AVEN: variants seen among roughly 807,000 people sequenced by gnomAD.
AVEN encodes cell death regulator Aven.
Under a neutral mutation model 38.1 loss-of-function variants are expected in AVEN, and 41 were observed. The observed-to-expected ratio is 1.08, with a 90% confidence interval of 0.84 to 1.40. The LOEUF is 1.40. AVEN is among the 40% of genes most tolerant of loss of function. The probability of loss-of-function intolerance (pLI) is 0.00; values close to 1 mark genes in which losing one functional copy is unlikely to be tolerated. For synonymous variants in AVEN, 206 were observed against 171.8 expected (o/e 1.20, Z -1.56); for missense variants, 605 against 438.8 (o/e 1.38, Z -3.38).
chr15:33,889,591 T>C (rs1891847995), intron 2 of AVEN, among the ~76,000 whole-genome samples: 2 of 4,820 alleles, frequency 4.1e-4, no homozygotes, highest in Non-Finnish European at 1.2e-3. Flanking sequence ...AATATGTTTC[T>C]GCACAAAAAA....
intron 5 of AVEN, among the ~76,000 whole-genome samples, chr15:34,056,037 G>A (rs991066840): frequency 2.6e-5 from 4 of 152,088 alleles, no homozygotes; most frequent in South Asian, 2.1e-4. Flanking sequence ...ATTGTTATAC[G>A]TGTTTAACAG....
chr15:33,875,179 C>T (rs879198604), intron 3 of AVEN, among the ~76,000 whole-genome samples: 4 of 152,278 alleles, frequency 2.6e-5, no homozygotes, highest in Non-Finnish European at 2.9e-5. Context: ...ACAGTGCCTA[C>T]GGGCTTCGGG....
At position 33,944,665 on chromosome 15, in the gene AVEN, C is replaced by T. The variant is rs990561767; in HGVS notation, c.445+58367G>A. On this transcript the variant is annotated intron_variant, in intron 2 of 5. Transcript: ENST00000306730. The stretch of plus-strand genomic sequence containing the variant: ...TCTATTAAAAATACAAAAAATTAGC[C>T]GGGCGTGGTGGCCGGCGCCTGTAGT... Among the ~76,000 whole-genome samples, 9 of 152,042 alleles carry T rather than the reference C, an allele frequency of 5.9e-5. No individual in the cohort carries two copies. In the South Asian group the frequency reaches 6.2e-4, roughly 11 times the overall value.
chr15:33,877,662 A>G (rs138452851), intron 2 of AVEN, among the ~76,000 whole-genome samples: 32 of 152,194 alleles, frequency 2.1e-4, no homozygotes, highest in Non-Finnish European at 4.1e-4. Flanking sequence ...TAGAAATACA[A>G]AAGTTAGACT....
At chr15:33,895,957 G>GTGGGTAGAGAATTCCTGAGGCAT (rs1892217715) in intron 2 of AVEN, among the ~76,000 whole-genome samples, 1 of 152,178 alleles carries the variant, frequency 6.6e-6, no homozygotes, top group South Asian at 2.1e-4. Flanking sequence ...GCATAAGGCA[G>GTGGGTAGAGAATTCCTGAGGCAT]TGGGTAGAGA....
chr15:33,968,518 C>T (rs908324817), intron 2 of AVEN, among the ~76,000 whole-genome samples: 2 of 152,068 alleles, frequency 1.3e-5, no homozygotes, highest in Non-Finnish European at 1.5e-5. Context: ...GTACGCTCAC[C>T]GTCCAGAGAC....
rs1900420730 is a variant in AVEN at position 34,063,537 on chromosome 15, T to C, written n.1127-105A>G. The C allele has an allele frequency of 6.2e-7, 1 of 1,613,324 alleles. No individual in the cohort carries two copies. Among genetic ancestry groups the C allele is most frequent in the African/African-American group, 1.3e-5 (1 of 74,862 alleles). The stretch of plus-strand genomic sequence containing the variant: ...AAGGAACCAGGCCTCCTGGTCATCC[T>C]CCCGCAGGAGCACCTCCACCACTGG... On this transcript the variant is annotated intron_variant and non_coding_transcript_variant, in intron 4 of 11. Coordinates refer to the AVEN transcript ENST00000675287. The surrounding 1 kb of genome is among the most constrained non-coding windows in gnomAD (Gnocchi z 4.1).
chr15:34,059,699 T>A (rs1900273644), intron 5 of AVEN, among the ~76,000 whole-genome samples: 2 of 152,138 alleles, frequency 1.3e-5, no homozygotes, highest in Admixed American at 6.6e-5. Context: ...GGCACTAGCA[T>A]CCCCAGCCTC....
At chr15:33,963,535 G>A (rs1895277147) in intron 2 of AVEN, among the ~76,000 whole-genome samples, 1 of 152,076 alleles carries the variant, frequency 6.6e-6, no homozygotes, top group Non-Finnish European at 1.5e-5. Flanking sequence ...GGTGGCTCAC[G>A]CCTATAATCC....
At chr15:34,029,912 A>G (rs1005101306) in intron 1 of AVEN, among the ~76,000 whole-genome samples, 1 of 152,216 alleles carries the variant, frequency 6.6e-6, no homozygotes, top group Non-Finnish European at 1.5e-5. Flanking sequence ...AGTCCTCAAT[A>G]TCATGAATCC....
At chr15:33,960,181 G>C (rs562283735) in intron 2 of AVEN, among the ~76,000 whole-genome samples, 42 of 152,292 alleles carry the variant, frequency 2.8e-4, no homozygotes, top group African/African-American at 1.0e-3. Context: ...ACCTCTTTCA[G>C]CACAGGGGGA....
intron 5 of AVEN, among the ~76,000 whole-genome samples, chr15:34,059,728 C>A (rs1900274547): frequency 6.6e-6 from 1 of 152,180 alleles, no homozygotes; most frequent in East Asian, 1.9e-4. Context: ...TTTTGCCTAG[C>A]TATTGGTGAC....
intron 4 of AVEN, chr15:34,065,493 C>T (rs1900486863): frequency 6.6e-6 from 1 of 152,112 alleles, no homozygotes; most frequent in Non-Finnish European, 1.5e-5. Flanking sequence ...TTTATAGGTC[C>T]TTCAAATCAG....
intron 1 of AVEN, among the ~76,000 whole-genome samples, chr15:34,006,572 C>T (rs1047342236): frequency 2.0e-5 from 3 of 152,146 alleles, no homozygotes; most frequent in Non-Finnish European, 4.4e-5. Context: ...ACCTAAGGAA[C>T]GATTAATGCA....
At chr15:33,988,848 T>C (rs1362869948) in intron 2 of AVEN, among the ~76,000 whole-genome samples, 2 of 152,262 alleles carry the variant, frequency 1.3e-5, no homozygotes, top group African/African-American at 4.8e-5. Context: ...AAATCCATTT[T>C]GAAAGATTTT....
chr15:33,946,627 T>C (rs1597260656), intron 2 of AVEN, among the ~76,000 whole-genome samples: 2 of 151,332 alleles, frequency 1.3e-5, no homozygotes, highest in African/African-American at 2.4e-5. Flanking sequence ...GGCCGGTGGG[T>C]AGGAAGCGTG....
chr15:34,023,908 T>C (rs1029990167), intron 1 of AVEN, among the ~76,000 whole-genome samples: 9 of 152,188 alleles, frequency 5.9e-5, no homozygotes, highest in African/African-American at 2.2e-4. Flanking sequence ...TTTTTATTGA[T>C]GGCAAAATAG....
chr15:33,855,221 G>A (rs141382616), downstream of AVEN, among the ~76,000 whole-genome samples: 80 of 150,812 alleles, frequency 5.3e-4, no homozygotes, highest in African/African-American at 1.9e-3. Context: ...TTTTTGTGAC[G>A]GTGTCTCGCT....
chr15:33,854,744 G>C, downstream of AVEN: 1 of 1,583,840 alleles, frequency 6.3e-7, no homozygotes, highest in African/African-American at 1.4e-5. Context: ...ATGCTTAAAA[G>C]TCTGCTTTCT....
Sources: allele counts gnomAD v4.1 joint callset (sites outside exome capture counted in the v4.1 genomes callset), GRCh38; gene constraint gnomAD v4.1.1; non-coding constraint Gnocchi (gnomAD v3.1); transcripts MANE v1.5; gene names NCBI Gene and HGNC (gene_info 2026-07-23, HGNC 2026-07-21).